The following GRIA3 variants were observed in gnomAD, a reference collection of about 807,000 sequenced individuals.
GRIA3 encodes the protein glutamate ionotropic receptor AMPA type subunit 3.
In GRIA3, 3 loss-of-function variants were observed where a neutral mutation model predicts 63.0. The observed-to-expected ratio is 0.05, with a 90% CI of 0.02 to 0.12. GRIA3 has a LOEUF of 0.12. GRIA3 is among the 10% of genes least tolerant of loss of function. The pLI is 1.00. For missense variants in GRIA3, 347 were observed against 700.9 expected (o/e 0.50, Z 5.70); for synonymous variants, 274 against 257.9 (o/e 1.06, Z -0.60).
intron 2 of GRIA3, among the ~76,000 whole-genome samples, chrX:123,244,069 A>T (rs1405546135): frequency 2.7e-5 from 3 of 112,903 alleles, no homozygotes; most frequent in Non-Finnish European, 5.6e-5. Context: ...TGTTGACAAT[A>T]AGTGTTTTCT....
In GRIA3 at chrX:123,403,489, G is replaced by T. The variant is rs2045454307; in HGVS notation, c.1263G>T (p.Glu421Asp). The stretch of plus-strand genomic sequence containing the variant: ...TCAGCAATGACAGTGCATCCTCAGA[G>T]AATCGGACCATAGTAGTGACTACCA... Reference protein sequence around the residue: ...QQISNDSASSENRTIVVTTIL... With the variant: ...QQISNDSASSDNRTIVVTTIL... The change falls in exon 9 of 16, where the codon GAG (glutamate) becomes GAT (aspartate). Residue 421 changes from glutamate (E) to aspartate (D), a missense_variant. Physicochemically the swap from Glu to Asp is conservative, Grantham distance 45. Transcript: ENST00000620443. The T allele has an allele frequency of 8.5e-7, 1 of 1,172,204 alleles. No homozygotes were observed. The highest frequency in any genetic ancestry group is 1.8e-5 in the African/African-American group (1 of 56,544).
chrX:123,292,445 G>A (rs369580865), intron 3 of GRIA3, among the ~76,000 whole-genome samples: 2 of 110,655 alleles, frequency 1.8e-5, no homozygotes, highest in African/African-American at 6.6e-5. Context: ...TTGCTGACTA[G>A]TCGGTACAAA....
rs976020861 is a variant in GRIA3 at position 123,188,884 on chromosome X, C to A, written c.268+2894C>A. Among the ~76,000 whole-genome samples the A allele has an allele frequency of 8.1e-5, 9 of 111,800 alleles. 1 individual carries two copies. Among genetic ancestry groups the A allele is most frequent in the Non-Finnish European group, 9.4e-5 (5 of 53,158 alleles). Reference sequence around the variant, plus strand: ...CATATATGTGTCCCTGTTCTCTGTTCTCCCTCCACATCACCCACCCCTACA... The same window carrying A: ...CATATATGTGTCCCTGTTCTCTGTTATCCCTCCACATCACCCACCCCTACA... On this transcript the variant is annotated intron_variant, in intron 2 of 15. Coordinates refer to ENST00000620443, the MANE Select transcript of GRIA3 (RefSeq NM_007325.5).
In GRIA3 at chrX:123,482,888, G is replaced by T; in HGVS notation, c.2529G>T (p.Leu843Phe). Residue 843 changes from leucine to phenylalanine, a missense_variant, in exon 15 of 16, where the codon TTG becomes TTT. This residue lies in a region of GRIA3 where 29 missense variants were observed against 46.7 expected (regional missense o/e 0.62). Transcript: ENST00000620443. Reference protein sequence around the residue: ...GGLGLAMMVALIEFCYKSRAE... With the variant: ...GGLGLAMMVAFIEFCYKSRAE... ...TGGGGCTGGCCATGATGGTGGCTTT[G>T]ATAGAATTCTGTTACAAATCACGGG... The T allele has an allele frequency of 8.3e-7, 1 of 1,211,030 alleles. No homozygotes were observed. The highest frequency in any genetic ancestry group is 1.1e-6 in the Non-Finnish European group (1 of 895,109).
At chrX:123,438,491 C>T (rs773783697) in intron 12 of GRIA3, among the ~76,000 whole-genome samples, 3 of 112,005 alleles carry the variant, frequency 2.7e-5, no homozygotes, top group African/African-American at 9.7e-5. Flanking sequence ...AGTAAAATTG[C>T]TGGATCATAT....
chrX:123,478,489 A>G (rs1050251012), intron 13 of GRIA3, among the ~76,000 whole-genome samples: 13 of 112,043 alleles, frequency 1.2e-4, no homozygotes, highest in African/African-American at 4.2e-4. Flanking sequence ...TACCTCCCTG[A>G]TATTAAAGAT....
intron 5 of GRIA3, among the ~76,000 whole-genome samples, chrX:123,393,906 C>G (rs1269904594): frequency 2.7e-5 from 3 of 112,039 alleles, no homozygotes; most frequent in Non-Finnish European, 5.6e-5. Context: ...AAAGTAGCAG[C>G]AATTCCTAGG....
At chrX:123,397,666 T>C (rs1230935396) in intron 6 of GRIA3, among the ~76,000 whole-genome samples, 1 of 112,205 alleles carries the variant, frequency 8.9e-6, no homozygotes, top group Non-Finnish European at 1.9e-5. Flanking sequence ...AGCTAATTGA[T>C]AGTTGTAGAG....
At chrX:123,253,040 A>C (rs1158351015) in intron 2 of GRIA3, among the ~76,000 whole-genome samples, 1 of 111,550 alleles carries the variant, frequency 9.0e-6, no homozygotes, top group East Asian at 2.8e-4. Flanking sequence ...AGGGTTTTGA[A>C]AGGGAGTAAG....
intron 2 of GRIA3, among the ~76,000 whole-genome samples, chrX:123,252,480 C>T (rs1334317438): frequency 1.8e-5 from 2 of 112,105 alleles, no homozygotes; most frequent in Non-Finnish European, 3.8e-5. Context: ...TTATGTTCTA[C>T]TGAAGCTAAT....
At chrX:123,484,576 G>A (rs955391594) in intron 15 of GRIA3, among the ~76,000 whole-genome samples, 2 of 111,837 alleles carry the variant, frequency 1.8e-5, no homozygotes, top group Non-Finnish European at 3.8e-5. Flanking sequence ...CACATCCCGG[G>A]TTCAAGCGAT....
In GRIA3 at chrX:123,202,487, G is replaced by T; in HGVS notation, c.268+16497G>T. The T allele has an allele frequency of 6.1e-6, 3 of 494,264 alleles. No individual in the cohort carries two copies. In the South Asian group the frequency reaches 1.3e-4, roughly 21 times the overall value. 40.7% of individuals were successfully genotyped at this position (494,264 alleles called of 1,213,427 possible). On this transcript the variant is annotated intron_variant, in intron 2 of 15. Transcript: ENST00000620443. ...ACTAGTCTTAGCTCCTCAGAATGTT[G>T]GCTGCCTTCCCCAGCTGCCACTGTG... is the stretch of plus-strand genomic sequence containing the variant.
intron 3 of GRIA3, among the ~76,000 whole-genome samples, chrX:123,279,973 A>G (rs758076917): frequency 1.8e-5 from 2 of 112,483 alleles, no homozygotes; most frequent in East Asian, 5.6e-4. Context: ...ATCCCTATAA[A>G]GTGAATAGGG....
At chrX:123,259,572 GT>G (rs2044439544) in intron 3 of GRIA3, among the ~76,000 whole-genome samples, 1 of 110,887 alleles carries the variant, frequency 9.0e-6, no homozygotes, top group Non-Finnish European at 1.9e-5. Flanking sequence ...ATCTGTTATT[GT>G]TATCATTTTA....
chrX:123,406,808 G>A (rs764412324), intron 10 of GRIA3, among the ~76,000 whole-genome samples: 10 of 111,522 alleles, frequency 9.0e-5, no homozygotes, highest in Non-Finnish European at 1.7e-4. Flanking sequence ...CTGAACAAGG[G>A]TCAGAGCACC....
intron 5 of GRIA3, 123 bp downstream of exon 5, chrX:123,355,086 C>T (rs915465851): frequency 1.2e-4 from 68 of 556,030 alleles, no homozygotes; most frequent in Non-Finnish European, 1.2e-4. Context: ...GAAATGACTT[C>T]GGTAAATACC....
chrX:123,435,675 C>G (rs1219092350), intron 12 of GRIA3, among the ~76,000 whole-genome samples: 3 of 112,181 alleles, frequency 2.7e-5, no homozygotes, highest in Admixed American at 9.5e-5. Flanking sequence ...CAAAGAAAGG[C>G]ATCTATAAAG....
At chrX:123,314,520 T>G (rs1166071698) in intron 3 of GRIA3, among the ~76,000 whole-genome samples, 1 of 112,147 alleles carries the variant, frequency 8.9e-6, no homozygotes, top group Non-Finnish European at 1.9e-5. Flanking sequence ...GAGGCTTGCC[T>G]ATTCTGCTCT....
At position 123,475,775 on chromosome X, in the gene GRIA3, G is replaced by A. The variant is rs1019074672; in HGVS notation, c.2325-4288G>A. ...CCCTTGCTAGATTGATAGTTATTTG[G>A]AGTATGGGGGTCCCTAAAGGAAAAT... is the stretch of plus-strand genomic sequence containing the variant. On this transcript the variant is annotated intron_variant, in intron 13 of 15. Coordinates refer to ENST00000620443, the MANE Select transcript of GRIA3 (RefSeq NM_007325.5). 5.4e-5 allele frequency among the ~76,000 whole-genome samples: 6 copies of A among 111,838 alleles called. No individual in the cohort carries two copies. The East Asian group carries it at 1.7e-3, about 31-fold the overall frequency.
Sources: allele counts gnomAD v4.1 joint callset (sites outside exome capture counted in the v4.1 genomes callset), GRCh38; gene constraint gnomAD v4.1.1; regional missense constraint gnomAD v4.1.1; transcripts MANE v1.5; gene names NCBI Gene and HGNC (gene_info 2026-07-23, HGNC 2026-07-21).